Variants in PCSK2 observed in about 807,000 individuals in gnomAD.
PCSK2 encodes the protein neuroendocrine convertase 2.
A neutral mutation model predicts 69.7 loss-of-function variants in PCSK2; 14 were observed. That is an observed-to-expected ratio of 0.20 (90% CI 0.13 to 0.31). The LOEUF (loss-of-function observed/expected upper bound fraction) is 0.31. PCSK2 is among the 10% of genes least tolerant of loss of function. The pLI, the probability that PCSK2 is intolerant of heterozygous loss-of-function variation, is 1.00. For synonymous variants in PCSK2, 307 were observed against 320.7 expected (o/e 0.96, Z 0.46); for missense variants, 544 against 842.5 (o/e 0.65, Z 4.39).
intron 2 of PCSK2, among the ~76,000 whole-genome samples, chr20:17,265,098 G>A (rs901735144): frequency 2.6e-5 from 4 of 152,148 alleles, no homozygotes; most frequent in Middle Eastern, 3.4e-3. Context: ...TCCTGACATC[G>A]GGTGATCCAC....
At chr20:17,239,374 T>C (rs1600399835) in intron 1 of PCSK2, among the ~76,000 whole-genome samples, 1 of 152,146 alleles carries the variant, frequency 6.6e-6, no homozygotes, top group East Asian at 1.9e-4. Flanking sequence ...AAGAGAGACC[T>C]TGAAGAACCT....
chr20:17,396,883 G>A (rs908120589), intron 5 of PCSK2, among the ~76,000 whole-genome samples: 2 of 152,188 alleles, frequency 1.3e-5, no homozygotes, highest in Non-Finnish European at 2.9e-5. Flanking sequence ...GACCTCAGCA[G>A]TGAAGGCCTC....
intron 2 of PCSK2, among the ~76,000 whole-genome samples, chr20:17,323,995 A>T (rs1265357643): frequency 1.3e-5 from 2 of 152,082 alleles, no homozygotes; most frequent in African/African-American, 4.8e-5. Context: ...GCCCTCAACC[A>T]ATGATTGATG....
chr20:17,271,393 T>TA (rs1220012132), intron 2 of PCSK2, among the ~76,000 whole-genome samples: 2 of 152,016 alleles, frequency 1.3e-5, no homozygotes, highest in Admixed American at 6.6e-5. Context: ...GTCCTTAAAA[T>TA]AAAAAATAAT....
intron 2 of PCSK2, among the ~76,000 whole-genome samples, chr20:17,319,516 T>C (rs1989799365): frequency 6.6e-6 from 1 of 152,180 alleles, no homozygotes; most frequent in Non-Finnish European, 1.5e-5. Flanking sequence ...CACATGCTGG[T>C]GGTCAACAGT....
intron 5 of PCSK2, among the ~76,000 whole-genome samples, chr20:17,384,914 C>T (rs775573546): frequency 1.8e-4 from 28 of 152,134 alleles, no homozygotes; most frequent in South Asian, 1.7e-3. Flanking sequence ...GGTGACAGAA[C>T]GCAACCCTGA....
chr20:17,287,926 TC>T, intron 2 of PCSK2, among the ~76,000 whole-genome samples: 1 of 152,160 alleles, frequency 6.6e-6, no homozygotes, highest in Middle Eastern at 3.4e-3. Flanking sequence ...TGATGTACCC[TC>T]CCCCAGCTCA....
chr20:17,325,960 G>A (rs1326801624), intron 2 of PCSK2, among the ~76,000 whole-genome samples: 1 of 152,378 alleles, frequency 6.6e-6, no homozygotes, highest in Non-Finnish European at 1.5e-5. Context: ...CAGGGGCCTA[G>A]CCCAGGCATA....
At chr20:17,390,466 G>A (rs1035468864) in intron 5 of PCSK2, among the ~76,000 whole-genome samples, 3 of 152,156 alleles carry the variant, frequency 2.0e-5, no homozygotes, top group Non-Finnish European at 4.4e-5. Flanking sequence ...TTAGAAATCA[G>A]TTACCACCAA....
intron 5 of PCSK2, among the ~76,000 whole-genome samples, chr20:17,401,544 C>T (rs2031637563): frequency 6.6e-6 from 1 of 152,138 alleles, no homozygotes; most frequent in Non-Finnish European, 1.5e-5. Flanking sequence ...TTTGGAGGGA[C>T]ACCAACATTC....
chr20:17,456,771 C>G (rs770826459), intron 10 of PCSK2, among the ~76,000 whole-genome samples: 7 of 152,232 alleles, frequency 4.6e-5, no homozygotes. Context: ...CCCCTCTATC[C>G]TCTGTGTATC....
At chr20:17,304,298 A>C (rs904740731) in intron 2 of PCSK2, among the ~76,000 whole-genome samples, 1 of 152,182 alleles carries the variant, frequency 6.6e-6, no homozygotes, top group African/African-American at 2.4e-5. Flanking sequence ...TTTCTGCCAC[A>C]TAATAGCCAT....
chr20:17,429,630 C>A (rs976931086), intron 7 of PCSK2, 107 bp downstream of exon 7: 13 of 710,250 alleles, frequency 1.8e-5, no homozygotes, highest in African/African-American at 3.6e-5. Context: ...CTAGGATCCA[C>A]AGATTTGGCA....
chr20:17,454,636 C>T (rs1300479265), intron 9 of PCSK2, among the ~76,000 whole-genome samples: 1 of 152,124 alleles, frequency 6.6e-6, no homozygotes, highest in Non-Finnish European at 1.5e-5. Context: ...GCATAATAAG[C>T]TTTTTTGGAT....
intron 6 of PCSK2, among the ~76,000 whole-genome samples, chr20:17,411,731 C>A (rs1378648953): frequency 6.6e-6 from 1 of 152,242 alleles, no homozygotes; most frequent in Non-Finnish European, 1.5e-5. Flanking sequence ...TCCCTTACCC[C>A]CATGTAGCCT....
chr20:17,332,250 G>A (rs901149971), intron 2 of PCSK2, among the ~76,000 whole-genome samples: 2 of 152,130 alleles, frequency 1.3e-5, no homozygotes, highest in East Asian at 1.9e-4. Context: ...CAAGGGTTGC[G>A]TTAAAGTTTA....
chr20:17,411,519 C>T (rs1314095015), intron 6 of PCSK2, among the ~76,000 whole-genome samples: 1 of 152,240 alleles, frequency 6.6e-6, no homozygotes, highest in Non-Finnish European at 1.5e-5. Context: ...CCAGGAAGCT[C>T]AGACTGGGCA....
chr20:17,444,034 A>T (rs1040534524), intron 8 of PCSK2, among the ~76,000 whole-genome samples: 1 of 152,202 alleles, frequency 6.6e-6, no homozygotes, highest in Non-Finnish European at 1.5e-5. Context: ...TTTGGACAAC[A>T]TTGTAGCATT....
intron 6 of PCSK2, among the ~76,000 whole-genome samples, chr20:17,423,100 C>G (rs2032168102): frequency 6.6e-6 from 1 of 152,002 alleles, no homozygotes; most frequent in South Asian, 2.1e-4. Context: ...TTTATTTTGC[C>G]AAGGTTAAGG....
Sources: gnomAD v4.1 joint callset for allele counts (sites outside exome capture counted in the v4.1 genomes callset) on GRCh38, gnomAD v4.1.1 for gene constraint, MANE v1.5 for transcripts, NCBI Gene and HGNC (gene_info 2026-07-23, HGNC 2026-07-21) for gene names.